Variants in RBL1 observed in about 807,000 individuals in gnomAD.
RBL1 encodes RB transcriptional corepressor like 1.
A neutral mutation model predicts 123.0 loss-of-function variants in RBL1; 82 were observed. That is an observed-to-expected ratio of 0.67 (90% CI 0.56 to 0.80). The LOEUF is 0.80. RBL1 is among the 30% of genes least tolerant of loss of function. The probability of loss-of-function intolerance (pLI) is 0.00; values close to 1 mark genes in which losing one functional copy is unlikely to be tolerated. For synonymous variants in RBL1, 405 were observed against 441.3 expected, an observed-to-expected ratio of 0.92 and a Z score of 1.03; for missense variants, 1,171 against 1,299.6, an observed-to-expected ratio of 0.90 and a Z score of 1.52.
intron 16 of RBL1, among the ~76,000 whole-genome samples, chr20:37,029,408 C>A (rs1382263999): frequency 6.6e-6 from 1 of 152,128 alleles, no homozygotes; most frequent in Non-Finnish European, 1.5e-5. Context: ...TGAAAAAAAT[C>A]TGTATATAAG....
intron 9 of RBL1, 32 bp from the exon 10 acceptor site, chr20:37,056,290 CCAAACAAAAACAAA>C: frequency 6.4e-7 from 1 of 1,556,532 alleles, no homozygotes; most frequent in Middle Eastern, 2.1e-4. Flanking sequence ...AATTACCAAA[CCAAACAAAAACAAA>C]CAAACAAAAA....
Position 37,095,881 on chromosome 20 carries a change from T to C in RBL1, c.48A>G (p.Ala16=), listed in dbSNP as rs752488253. 1.2e-6 allele frequency: 2 copies of C among 1,603,752 alleles called. No individual in the cohort carries two copies. The highest frequency in any genetic ancestry group is 2.2e-5 in the South Asian group (2 of 89,922). The change falls in exon 1 of 22, where the codon GCA becomes GCG. Residue 16 remains alanine, a synonymous_variant. Transcript: ENST00000373664. ...ACAGGGCCTGTAGCGCCTCCCCGGCTGCGGCGACCACCGCCGCCCCCTCAG... is the reference window on the plus strand; with the variant it reads ...ACAGGGCCTGTAGCGCCTCCCCGGCCGCGGCGACCACCGCCGCCCCCTCAG... ...PHAEGAAVVA[A]AGEALQALCQ...
At chr20:37,048,107 T>C (rs1568856262) in intron 11 of RBL1, among the ~76,000 whole-genome samples, 1 of 152,086 alleles carries the variant, frequency 6.6e-6, no homozygotes, top group South Asian at 2.1e-4. Flanking sequence ...CCACAATATA[T>C]GAAGGATGAC....
At chr20:37,045,622 A>G (rs1195409968) in intron 12 of RBL1, among the ~76,000 whole-genome samples, 1 of 152,164 alleles carries the variant, frequency 6.6e-6, no homozygotes, top group Non-Finnish European at 1.5e-5. Flanking sequence ...CTTGAATAAA[A>G]TAAGGATGTT....
chr20:37,068,122 G>C lies in RBL1; in HGVS notation c.355C>G (p.Arg119Gly), dbSNP rs757396443. ...CTCTCTAGCCTTTCTATACGTTCAC[G>C]AAATTCTTGTGGTAGATTTGACATG... is the stretch of plus-strand genomic sequence containing the variant. ...MDMSNLPQEF[R>G]ERIERLERNF... The change falls in exon 3 of 22, where the codon CGT becomes GGT. Residue 119 changes from arginine (R) to glycine (G), a missense_variant. Coordinates refer to ENST00000373664, the MANE Select transcript of RBL1 (RefSeq NM_002895.5). 2.5e-6 allele frequency: 4 copies of C among 1,611,838 alleles called. No individual in the cohort carries two copies. The Admixed American group carries it at 5.0e-5, about 20-fold the overall frequency.
chr20:37,092,722 G>A (rs1239907584), intron 1 of RBL1, among the ~76,000 whole-genome samples: 2 of 152,024 alleles, frequency 1.3e-5, no homozygotes, highest in Admixed American at 1.3e-4. Flanking sequence ...GAACTTCTGG[G>A]CTCAAGTGAT....
chr20:37,074,608 T>C (rs554317524), intron 2 of RBL1, among the ~76,000 whole-genome samples: 1 of 152,212 alleles, frequency 6.6e-6, no homozygotes, highest in Admixed American at 6.5e-5. Flanking sequence ...TGTAAACTCC[T>C]GGTGGGGACG....
At chr20:37,070,593 A>G (rs553032517) in intron 2 of RBL1, among the ~76,000 whole-genome samples, 13 of 152,314 alleles carry the variant, frequency 8.5e-5, no homozygotes, top group Admixed American at 5.2e-4. Context: ...AAAGCACCAG[A>G]TTGTTACAGG....
chr20:37,034,060 T>G (rs982565691), intron 15 of RBL1, among the ~76,000 whole-genome samples: 7 of 151,938 alleles, frequency 4.6e-5, no homozygotes, highest in Non-Finnish European at 7.4e-5. Flanking sequence ...TGCCTCAGCC[T>G]CCTAAGTAGC....
chr20:37,022,172 T>C (rs113602231), intron 17 of RBL1, among the ~76,000 whole-genome samples: 11 of 152,238 alleles, frequency 7.2e-5, no homozygotes, highest in African/African-American at 2.2e-4. Context: ...GCCAGTACAG[T>C]CAAGACAAAT....
chr20:37,030,393 A>G (rs1271657121), intron 16 of RBL1, among the ~76,000 whole-genome samples: 1 of 152,206 alleles, frequency 6.6e-6, no homozygotes, highest in Non-Finnish European at 1.5e-5. Flanking sequence ...GTGCAAAAGA[A>G]TGACTTTAGA....
intron 11 of RBL1, among the ~76,000 whole-genome samples, chr20:37,050,985 G>C (rs1032785610): frequency 3.9e-5 from 6 of 152,032 alleles, no homozygotes; most frequent in Non-Finnish European, 8.8e-5. Flanking sequence ...GAAAATGATT[G>C]TCAATCTAGA....
At chr20:37,002,334 C>CTGT in intron 21 of RBL1, among the ~76,000 whole-genome samples, 1 of 107,802 alleles carries the variant, frequency 9.3e-6, no homozygotes, top group Non-Finnish European at 2.0e-5. Context: ...CTAGCCTTAT[C>CTGT]TGTTTTTTTT....
At chr20:37,000,064 C>T (rs1209551159) in intron 21 of RBL1, among the ~76,000 whole-genome samples, 6 of 151,394 alleles carry the variant, frequency 4.0e-5, no homozygotes, top group South Asian at 4.3e-4. Flanking sequence ...TCTGCCAGGC[C>T]GCCCATCTTC....
intron 19 of RBL1, among the ~76,000 whole-genome samples, chr20:37,015,420 G>C (rs932088943): frequency 1.3e-5 from 2 of 151,796 alleles, no homozygotes; most frequent in African/African-American, 2.4e-5. Context: ...TATAGAAAAT[G>C]GCTTTTTTTG....
intron 12 of RBL1, among the ~76,000 whole-genome samples, chr20:37,046,296 T>C (rs559918372): frequency 6.6e-6 from 1 of 152,298 alleles, no homozygotes; most frequent in Admixed American, 6.5e-5. Flanking sequence ...ATATGGAAAA[T>C]TTGAAGTTAA....
At chr20:37,034,006 A>G (rs906625138) in intron 15 of RBL1, among the ~76,000 whole-genome samples, 1 of 142,532 alleles carries the variant, frequency 7.0e-6, no homozygotes, top group African/African-American at 2.6e-5. Context: ...TAGCGTGATC[A>G]TGGCTCACTG....
intron 9 of RBL1, among the ~76,000 whole-genome samples, chr20:37,059,196 C>T (rs1391818113): frequency 1.3e-5 from 2 of 152,162 alleles, no homozygotes; most frequent in East Asian, 3.9e-4. Context: ...GAAGGTAGAT[C>T]CGTGACAGTC....
chr20:37,074,003 T>A (rs2065323401), intron 2 of RBL1, among the ~76,000 whole-genome samples: 1 of 150,952 alleles, frequency 6.6e-6, no homozygotes. Flanking sequence ...CCCAGCTACA[T>A]GGGAGGCTGA....
Sources: gnomAD v4.1 joint callset for allele counts (sites outside exome capture counted in the v4.1 genomes callset) on GRCh38, gnomAD v4.1.1 for gene constraint, MANE v1.5 for transcripts, NCBI Gene and HGNC (gene_info 2026-07-23, HGNC 2026-07-21) for gene names.